Variants in TUT4 observed in about 807,000 individuals in gnomAD.
TUT4 encodes the protein terminal uridylyltransferase 4.
A neutral mutation model predicts 192.2 loss-of-function variants in TUT4; 36 were observed. That is an observed-to-expected ratio of 0.19 (90% CI 0.14 to 0.25). TUT4 has a LOEUF of 0.25. Among genes scored for constraint, TUT4 ranks in the 10% least tolerant of loss-of-function variants. The pLI, the probability that TUT4 is intolerant of heterozygous loss-of-function variation, is 1.00. For missense variants in TUT4, 1,493 were observed against 1,957.2 expected, an observed-to-expected ratio of 0.76 and a Z score of 4.47; for synonymous variants, 618 against 666.0, an observed-to-expected ratio of 0.93 and a Z score of 1.11.
chr1:52,487,058 G>T (rs2149036166), intron 9 of TUT4, among the ~76,000 whole-genome samples: 1 of 152,260 alleles, frequency 6.6e-6, no homozygotes, highest in Admixed American at 6.5e-5. Flanking sequence ...TTTCGAGCCT[G>T]AAGTATATTC....
chr1:52,466,673 T>C (rs1664274117), intron 15 of TUT4, among the ~76,000 whole-genome samples: 1 of 138,912 alleles, frequency 7.2e-6, no homozygotes. Flanking sequence ...TATATATATA[T>C]ATATATATAT....
At chr1:52,436,365 A>G (rs937358214) in intron 26 of TUT4, among the ~76,000 whole-genome samples, 1 of 152,260 alleles carries the variant, frequency 6.6e-6, no homozygotes, top group Non-Finnish European at 1.5e-5. Flanking sequence ...ATGCGCCTGT[A>G]ATCCCAGCTA....
intron 2 of TUT4, among the ~76,000 whole-genome samples, chr1:52,519,186 C>T (rs1033989292): frequency 1.3e-5 from 2 of 151,910 alleles, no homozygotes; most frequent in African/African-American, 4.8e-5. Context: ...CAATACTATT[C>T]GGCAATAAAA....
In TUT4 at chr1:52,431,011, A is replaced by G; in HGVS notation, c.4711+2T>C. On this transcript the variant is annotated splice_donor_variant, in intron 28 of 29. Coordinates refer to ENST00000257177, the MANE Select transcript of TUT4 (RefSeq NM_001009881.3). LOFTEE classifies it high-confidence loss of function. ...ATAAAAAAGAAGAAAAGGAAAGGTT[A>G]CCTGAATTCCCCACTGCACCACTGT... The G allele has an allele frequency of 6.4e-7, 1 of 1,558,014 alleles. No individual in the cohort carries two copies. The highest frequency in any genetic ancestry group is 8.7e-7 in the Non-Finnish European group (1 of 1,148,954).
intron 1 of TUT4, among the ~76,000 whole-genome samples, chr1:52,548,116 C>A (rs2149764587): frequency 6.6e-6 from 1 of 152,166 alleles, no homozygotes; most frequent in Non-Finnish European, 1.5e-5. Context: ...AGGGAAAAGT[C>A]AAATTGTGTC....
At chr1:52,436,725 C>T (rs1037025979) in intron 26 of TUT4, 30 bp downstream of exon 26, 1 of 1,610,804 alleles carries the variant, frequency 6.2e-7, no homozygotes, top group African/African-American at 1.3e-5. Context: ...TCGTTTCTAC[C>T]AGAAACTATG....
chr1:52,462,601 G>A (rs1662931763), intron 16 of TUT4: 1 of 401,762 alleles, frequency 2.5e-6, no homozygotes, highest in Non-Finnish European at 3.4e-6. Context: ...GTCCTGCAGA[G>A]CTGTTGGGAG....
Position 52,468,345 on chromosome 1 carries a change from C to T in TUT4, c.2879-78G>A, listed in dbSNP as rs532039694. ...TCTGAAAACATCTTCAAGTTTTTAC[C>T]CTAAAAATTTTACTTACAGTTTGTT... On this transcript the variant is annotated intron_variant, in intron 14 of 29. Transcript: ENST00000257177. 37 of 1,148,784 alleles carry T rather than the reference C, an allele frequency of 3.2e-5. No individual in the cohort carries two copies. The East Asian group carries it at 9.6e-4, about 30-fold the overall frequency. The allele number at this position is 1,148,784 out of a possible 1,614,324, so 71.2% of individuals were successfully genotyped here. A position where few individuals can be genotyped will look rare whatever the true frequency, so the allele number is the denominator to read the frequency against.
intron 20 of TUT4, among the ~76,000 whole-genome samples, chr1:52,447,534 A>C (rs1428378312): frequency 2.0e-5 from 3 of 152,084 alleles, no homozygotes; most frequent in African/African-American, 7.2e-5. Context: ...AAGACTATAA[A>C]CTTTATTATG....
intron 20 of TUT4, among the ~76,000 whole-genome samples, chr1:52,456,404 T>A (rs571524874): frequency 3.6e-4 from 35 of 97,182 alleles, no homozygotes; most frequent in Non-Finnish European, 5.7e-4. Flanking sequence ...AGAGCGAGAC[T>A]GTGTCTCAAA....
chr1:52,477,476 A>T (rs886301511), intron 12 of TUT4, among the ~76,000 whole-genome samples: 10 of 152,194 alleles, frequency 6.6e-5, no homozygotes, highest in African/African-American at 2.4e-4. Context: ...CAGGAAGCTG[A>T]GGATCCCTTG....
chr1:52,465,240 C>A, intron 15 of TUT4, 67 bp from the exon 16 acceptor site: 1 of 1,066,622 alleles, frequency 9.4e-7, no homozygotes, highest in Non-Finnish European at 1.4e-6. Context: ...CTGCTATCTG[C>A]TGATGACCTA....
At chr1:52,502,681 T>C (rs553423946) in intron 4 of TUT4, among the ~76,000 whole-genome samples, 2 of 136,200 alleles carry the variant, frequency 1.5e-5, no homozygotes, top group South Asian at 5.1e-4. Context: ...TGGCGTGCAA[T>C]TGAGTAATCT....
chr1:52,425,537 T>C (rs767096146), intron 28 of TUT4, 30 bp from the exon 29 acceptor site: 55 of 1,582,656 alleles, frequency 3.5e-5, no homozygotes, highest in Non-Finnish European at 4.3e-5. Flanking sequence ...AAAAAGACAT[T>C]TAAAAACATT....
intron 15 of TUT4, among the ~76,000 whole-genome samples, chr1:52,466,363 C>G (rs939848004): frequency 6.6e-6 from 1 of 151,708 alleles, no homozygotes. Flanking sequence ...AAAAAGAAGG[C>G]GAGGTGCGGT....
At chr1:52,462,054 G>A (rs1557723904) in intron 16 of TUT4, 1 of 257,784 alleles carries the variant, frequency 3.9e-6, no homozygotes, top group African/African-American at 2.3e-5. Flanking sequence ...GAAGCACAAA[G>A]ACAGGAGAAG....
rs542160024 is a variant in TUT4 at position 52,467,180 on chromosome 1, A to T, written c.2965+1001T>A. On this transcript the variant is annotated intron_variant, in intron 15 of 29. Transcript: ENST00000257177. Reference sequence around the variant, plus strand: ...TAATGATGATATGATTTTTTAATTTAAAAAATATTTGTTTTCAAATACTTT... The same window carrying T: ...TAATGATGATATGATTTTTTAATTTTAAAAATATTTGTTTTCAAATACTTT... Among the ~76,000 whole-genome samples the T allele has an allele frequency of 3.9e-5, 6 of 152,300 alleles. No individual in the cohort carries two copies. The East Asian group carries it at 1.2e-3, about 29-fold the overall frequency.
chr1:52,463,608 C>G (rs902287352), intron 16 of TUT4: 1 of 1,293,756 alleles, frequency 7.7e-7, no homozygotes, highest in Admixed American at 2.3e-5. Context: ...TGCAAACAGT[C>G]CCGCATTTTG....
intron 1 of TUT4, among the ~76,000 whole-genome samples, chr1:52,533,725 TG>T (rs1316987851): frequency 1.3e-5 from 2 of 152,134 alleles, no homozygotes; most frequent in African/African-American, 2.4e-5. Context: ...CCGAGCACTT[TG>T]GGAGGCTAAG....
Sources: allele counts gnomAD v4.1 joint callset (sites outside exome capture counted in the v4.1 genomes callset), GRCh38; gene constraint gnomAD v4.1.1; transcripts MANE v1.5; gene names NCBI Gene and HGNC (gene_info 2026-07-23, HGNC 2026-07-21).